The following ADK variants were observed in gnomAD, a reference collection of about 807,000 sequenced individuals.
ADK encodes the protein adenosine kinase.
ADK carries 24 observed loss-of-function variants against 44.7 expected under a neutral mutation model. The ratio of observed to expected loss-of-function variants is 0.54; its 90% CI spans 0.39 to 0.76. The LOEUF is 0.76. ADK is among the 30% of genes least tolerant of loss of function. The pLI, the probability that ADK is intolerant of heterozygous loss-of-function variation, is 0.00. For missense variants in ADK, 321 were observed against 425.1 expected (o/e 0.76, Z 2.15); for synonymous variants, 128 against 142.6 (o/e 0.90, Z 0.73).
intron 3 of ADK, among the ~76,000 whole-genome samples, chr10:74,248,544 C>A (rs535383160): frequency 6.6e-6 from 1 of 152,112 alleles, no homozygotes; most frequent in African/African-American, 2.4e-5. Flanking sequence ...TTAGTAGAGA[C>A]GGGGTTTCAT....
intron 4 of ADK, among the ~76,000 whole-genome samples, chr10:74,356,020 T>G (rs1252541640): frequency 7.3e-6 from 1 of 136,614 alleles, no homozygotes; most frequent in Non-Finnish European, 1.6e-5. Flanking sequence ...TTTTTTTTTT[T>G]TTTTTTTTTG....
intron 4 of ADK, among the ~76,000 whole-genome samples, chr10:74,350,447 C>T (rs902308279): frequency 2.3e-4 from 35 of 152,054 alleles, no homozygotes; most frequent in Non-Finnish European, 1.0e-4. Flanking sequence ...CACTAAGTGC[C>T]CACTTCAGAC....
chr10:74,619,074 T>TCC (rs1469057431), intron 9 of ADK, among the ~76,000 whole-genome samples: 8 of 148,754 alleles, frequency 5.4e-5, no homozygotes, highest in Non-Finnish European at 7.5e-5. Context: ...CCCCTTTTCC[T>TCC]CCCCGAGCTT....
chr10:74,386,835 G>A (rs1843159038), intron 4 of ADK, among the ~76,000 whole-genome samples: 1 of 152,054 alleles, frequency 6.6e-6, no homozygotes, highest in African/African-American at 2.4e-5. Flanking sequence ...TCCCCTTGGG[G>A]TGCTGTAGCA....
chr10:74,204,414 T>C (rs781397725), intron 2 of ADK, among the ~76,000 whole-genome samples: 17 of 152,222 alleles, frequency 1.1e-4, no homozygotes, highest in Non-Finnish European at 2.5e-4. Flanking sequence ...GAAATATAAG[T>C]AATTATGGGG....
chr10:74,336,129 A>G (rs547562012), intron 4 of ADK, among the ~76,000 whole-genome samples: 1 of 152,308 alleles, frequency 6.6e-6, no homozygotes, highest in African/African-American at 2.4e-5. Flanking sequence ...TAGAAATTTC[A>G]TAGTTTTACT....
chr10:74,645,344 T>A (rs1042585048), intron 9 of ADK, among the ~76,000 whole-genome samples: 1 of 152,206 alleles, frequency 6.6e-6, no homozygotes, highest in African/African-American at 2.4e-5. Flanking sequence ...TTTTCATGCA[T>A]CAGAGTAATT....
At chr10:74,479,390 T>C (rs912007691) in intron 6 of ADK, among the ~76,000 whole-genome samples, 2 of 151,358 alleles carry the variant, frequency 1.3e-5, no homozygotes, top group African/African-American at 4.9e-5. Context: ...CTTTGTTTTT[T>C]GTTGGTTTTT....
At chr10:74,694,146 C>T (rs1430485204) in intron 10 of ADK, among the ~76,000 whole-genome samples, 3 of 36,308 alleles carry the variant, frequency 8.3e-5, no homozygotes, top group African/African-American at 3.3e-4. Flanking sequence ...TTTTCAAACA[C>T]ATTTTTTTTT....
chr10:74,313,333 G>C (rs939235335), intron 3 of ADK, among the ~76,000 whole-genome samples: 6 of 151,578 alleles, frequency 4.0e-5, no homozygotes, highest in Non-Finnish European at 8.8e-5. Flanking sequence ...TTTTTTTTGG[G>C]GGGGAGAGGT....
intron 7 of ADK, among the ~76,000 whole-genome samples, chr10:74,563,656 A>T (rs1486232097): frequency 6.6e-6 from 1 of 152,224 alleles, no homozygotes; most frequent in African/African-American, 2.4e-5. Flanking sequence ...AATAGATTTA[A>T]AAATATAGGC....
intron 4 of ADK, among the ~76,000 whole-genome samples, chr10:74,354,656 T>A (rs774184969): frequency 6.6e-6 from 1 of 152,174 alleles, no homozygotes; most frequent in Non-Finnish European, 1.5e-5. Context: ...TGGGAACTCA[T>A]GATGTGAAGG....
At position 74,534,570 on chromosome 10, in the gene ADK, G is replaced by A. The variant is rs138487979; in HGVS notation, c.726+9144G>A. On this transcript the variant is annotated intron_variant, in intron 7 of 10. Transcript: ENST00000539909. ...TGAATAATGCTTTAAAGTTAAAAAG[G>A]GTATTCACAAAAACCGTCATTTAAT... Among the ~76,000 whole-genome samples, 1,070 of 152,162 alleles carry A rather than the reference G, an allele frequency of 7.0e-3. 7 individuals are homozygous for A. The highest frequency in any genetic ancestry group is 0.013 in the Non-Finnish European group (875 of 67,978).
intron 9 of ADK, among the ~76,000 whole-genome samples, chr10:74,632,002 A>T (rs770256112): frequency 1.3e-5 from 2 of 151,800 alleles, no homozygotes; most frequent in Non-Finnish European, 2.9e-5. Flanking sequence ...CAATTTCCTT[A>T]TTTAAAGTAT....
At chr10:74,378,175 A>G (rs1460234822) in intron 4 of ADK, among the ~76,000 whole-genome samples, 2 of 152,056 alleles carry the variant, frequency 1.3e-5, no homozygotes, top group Non-Finnish European at 2.9e-5. Flanking sequence ...AGAGGCTCAC[A>G]CCTGTAATCC....
intron 7 of ADK, among the ~76,000 whole-genome samples, chr10:74,552,908 TA>T (rs1322446317): frequency 2.0e-5 from 3 of 152,166 alleles, no homozygotes; most frequent in Admixed American, 2.0e-4. Flanking sequence ...CTTGAATGGT[TA>T]AAATCAAAAG....
At chr10:74,486,737 T>G (rs1191846720) in intron 6 of ADK, among the ~76,000 whole-genome samples, 2 of 152,142 alleles carry the variant, frequency 1.3e-5, no homozygotes, top group Admixed American at 6.5e-5. Flanking sequence ...TGGTTCTTAG[T>G]TTTTTTATCT....
rs559057319 is a variant in ADK, at chr10:74,503,963, T to G, written c.556-21293T>G. ...ATCCCACCCTGATACACAGATTTAC[T>G]TACGCTACCTCATACAGAATAAAGT... On this transcript the variant is annotated intron_variant, in intron 6 of 10. Transcript: ENST00000539909. Among the ~76,000 whole-genome samples, 349 of 152,284 alleles carry G rather than the reference T, an allele frequency of 2.3e-3. 1 individual carries two copies. Among genetic ancestry groups the G allele is most frequent in the Non-Finnish European group, 4.2e-3 (288 of 68,004 alleles).
chr10:74,500,048 A>G (rs1367746427), intron 6 of ADK, among the ~76,000 whole-genome samples: 1 of 152,224 alleles, frequency 6.6e-6, no homozygotes, highest in Non-Finnish European at 1.5e-5. Context: ...GGATTAATAG[A>G]TCAAATATTT....
Sources: allele counts gnomAD v4.1 joint callset (sites outside exome capture counted in the v4.1 genomes callset), GRCh38; gene constraint gnomAD v4.1.1; transcripts MANE v1.5; gene names NCBI Gene and HGNC (gene_info 2026-07-23, HGNC 2026-07-21).